Variants in CELF5 observed in about 807,000 individuals in gnomAD.
CELF5 encodes the protein CUGBP Elav-like family member 5, also known as CUG-BP and ETR-3 like factor 5.
Under a neutral mutation model 54.9 loss-of-function variants are expected in CELF5, and 6 were observed. The ratio of observed to expected loss-of-function variants is 0.11; its 90% CI spans 0.06 to 0.22. CELF5 has a LOEUF of 0.22. Ranked by LOEUF, CELF5 falls within the 10% of genes least tolerant of loss-of-function variation. The pLI is 1.00. For missense variants in CELF5, 401 were observed against 678.6 expected (o/e 0.59, Z 4.54); for synonymous variants, 271 against 290.9 (o/e 0.93, Z 0.70).
Position 3,290,442 on chromosome 19 carries a change from G to A in CELF5, c.1330+68G>A, listed in dbSNP as rs1386122199. ...GCCTGCCCCCTGACAGGGAATGGGA[G>A]GGTTTTGGTCGGCCTCGGGACAGGG... On this transcript the variant is annotated intron_variant, in intron 11 of 12. Transcript: ENST00000292672. 3.2e-6 allele frequency: 5 copies of A among 1,586,244 alleles called. No homozygotes were observed. In the African/African-American group the frequency reaches 4.0e-5, roughly 13 times the overall value.
rs2079867915 is a variant in CELF5, at chr19:3,265,406, T to G, written c.343-8466T>G. On this transcript the variant is annotated intron_variant, in intron 2 of 12. Coordinates refer to ENST00000292672, the MANE Select transcript of CELF5 (RefSeq NM_021938.4). ...ATTGCAACAGCAGTGTAAACGGCAG[T>G]GGAGGTCCTGCTCTCTGCAGAGCAG... is the stretch of plus-strand genomic sequence containing the variant. 2.0e-5 allele frequency among the ~76,000 whole-genome samples: 3 copies of G among 152,204 alleles called. No homozygotes were observed. The East Asian group carries it at 5.8e-4, about 29-fold the overall frequency.
intron 2 of CELF5, among the ~76,000 whole-genome samples, chr19:3,270,241 G>T (rs2079938316): frequency 6.6e-6 from 1 of 152,114 alleles, no homozygotes; most frequent in Non-Finnish European, 1.5e-5. Flanking sequence ...CAGCCTTGGG[G>T]GCCCCAGAAC....
chr19:3,286,288 A>G, intron 10 of CELF5: 1 of 420,678 alleles, frequency 2.4e-6, no homozygotes, highest in Non-Finnish European at 4.2e-6. Context: ...CTCCAGAACC[A>G]AGAGTGATTC....
intron 2 of CELF5, among the ~76,000 whole-genome samples, chr19:3,251,525 C>G (rs552123790): frequency 6.8e-4 from 103 of 152,156 alleles, no homozygotes; most frequent in African/African-American, 2.3e-3. Flanking sequence ...GGGCTGGTTG[C>G]TGAAGGCTGT....
Position 3,228,890 on chromosome 19 carries a change from GT to G in CELF5, c.259+3893del, listed in dbSNP as rs1917106014. 6.7e-6 allele frequency among the ~76,000 whole-genome samples: 1 copy of G among 149,244 alleles called. No individual in the cohort carries two copies. The highest frequency in any genetic ancestry group is 2.2e-4 in the South Asian group (1 of 4,608). The stretch of plus-strand genomic sequence containing the variant: ...GGTTGGCCGGCGTGTGTGTGTGTGT[GT>G]GTGTGTGTGTGTGTGTGTGTGTGTA... On this transcript the variant is annotated intron_variant, in intron 1 of 12. Transcript: ENST00000292672. The surrounding 1 kb of genome is among the most constrained non-coding windows in gnomAD (Gnocchi z 6.0).
chr19:3,272,329 ACTGCATTCCAGC>A (rs572826892), intron 2 of CELF5, among the ~76,000 whole-genome samples: 1 of 152,126 alleles, frequency 6.6e-6, no homozygotes, highest in Non-Finnish European at 1.5e-5. Context: ...AGATCACGTC[ACTGCATTCCAGC>A]CTGGCAACAG....
At position 3,281,306 on chromosome 19, in the gene CELF5, C is replaced by T. The variant is rs772688407; in HGVS notation, c.711C>T (p.Leu237=). 6 of 1,611,366 alleles carry T rather than the reference C, an allele frequency of 3.7e-6. No individual in the cohort carries two copies. Among genetic ancestry groups the T allele is most frequent in the Middle Eastern group, 1.7e-4 (1 of 6,058 alleles). The stretch of plus-strand genomic sequence containing the variant: ...AGCTGGGCATCCTGACGCCGTCCCT[C>T]ACATTGCCCTTCAGCCCCTACAGTG... ...VGQLGILTPS[L]TLPFSPYSAY... is the part of the protein sequence containing the mutation. Residue 237 remains leucine (L), a synonymous_variant, in exon 6 of 13, where the codon CTC becomes CTT. Coordinates refer to ENST00000292672, the MANE Select transcript of CELF5 (RefSeq NM_021938.4). This position sits in a 1 kb window ranked among gnomAD's most constrained non-coding sequence, Gnocchi z 6.5.
intron 1 of CELF5, among the ~76,000 whole-genome samples, chr19:3,241,520 A>T (rs1430970892): frequency 1.3e-5 from 2 of 151,124 alleles, no homozygotes; most frequent in South Asian, 2.1e-4. Flanking sequence ...GTGTGCAGCA[A>T]GGCTGCACAC....
chr19:3,285,865 C>CAA, intron 9 of CELF5, 77 bp from the exon 10 acceptor site: 1 of 1,032,168 alleles, frequency 9.7e-7, no homozygotes, highest in Non-Finnish European at 1.3e-6. Context: ...GCCCCGCCCC[C>CAA]TCCCCGCCCA....
intron 5 of CELF5, among the ~76,000 whole-genome samples, chr19:3,279,946 GCCCA>G (rs2080119843): frequency 6.6e-6 from 1 of 152,062 alleles, no homozygotes; most frequent in African/African-American, 2.4e-5. Context: ...CAGGTGATCT[GCCCA>G]CCTTGGCCTC....
At chr19:3,284,865 T>G in intron 8 of CELF5, 37 bp from the exon 9 acceptor site, 1 of 1,599,112 alleles carries the variant, frequency 6.3e-7, no homozygotes, top group Non-Finnish European at 8.6e-7. Flanking sequence ...AGACTTCTGC[T>G]GCTCCCGCCC....
intron 1 of CELF5, among the ~76,000 whole-genome samples, chr19:3,249,069 A>C (rs1457735896): frequency 6.6e-6 from 1 of 151,936 alleles, no homozygotes; most frequent in African/African-American, 2.4e-5. Flanking sequence ...CACACAGCCC[A>C]GCTGGCGGGA....
In CELF5 at chr19:3,228,670, C is replaced by T. The variant is rs1917072918; in HGVS notation, c.259+3672C>T. ...GGGGCCCGCGGTTTCCATGGGAGCA[C>T]CAGCTGCCGGCTCGACTCGGGAGGG... On this transcript the variant is annotated intron_variant, in intron 1 of 12. Coordinates refer to ENST00000292672, the MANE Select transcript of CELF5 (RefSeq NM_021938.4). The surrounding 1 kb of genome is among the most constrained non-coding windows in gnomAD (Gnocchi z 6.0). Among the ~76,000 whole-genome samples, 1 of 150,892 alleles carries T rather than the reference C, an allele frequency of 6.6e-6. No individual in the cohort carries two copies.
chr19:3,252,431 G>A (rs1186909245), intron 2 of CELF5, among the ~76,000 whole-genome samples: 2 of 152,102 alleles, frequency 1.3e-5, no homozygotes, highest in Non-Finnish European at 2.9e-5. Flanking sequence ...CAGTCAATCC[G>A]GGTCCCCAGG....
chr19:3,255,556 C>T (rs1599423269), intron 2 of CELF5, among the ~76,000 whole-genome samples: 2 of 152,206 alleles, frequency 1.3e-5, no homozygotes, highest in East Asian at 3.9e-4. Context: ...CTCCCTCCTC[C>T]TCGCCCCCAG....
At position 3,275,757 on chromosome 19, in the gene CELF5, T is replaced by A; in HGVS notation, c.395-99T>A. 7.4e-7 allele frequency: 1 copy of A among 1,348,428 alleles called. No homozygotes were observed. Among genetic ancestry groups the A allele is most frequent in the Non-Finnish European group, 9.9e-7 (1 of 1,010,282 alleles). The allele number at this position is 1,348,428 out of a possible 1,614,324, so 83.5% of individuals were successfully genotyped here. A position where few individuals can be genotyped will look rare whatever the true frequency, so the allele number is the denominator to read the frequency against. Reference sequence around the variant, plus strand: ...CCGGCAGGGCCCGGGCGCCGCGTCTTCCTGCCCTGCCGCCTCCACTCTGCT... The same window carrying A: ...CCGGCAGGGCCCGGGCGCCGCGTCTACCTGCCCTGCCGCCTCCACTCTGCT... On this transcript the variant is annotated intron_variant, in intron 3 of 12. Transcript: ENST00000292672. The surrounding 1 kb of genome is among the most constrained non-coding windows in gnomAD (Gnocchi z 6.7).
chr19:3,282,381 A>C lies in CELF5; in HGVS notation c.922A>C (p.Thr308Pro). 5 of 1,610,978 alleles carry C rather than the reference A, an allele frequency of 3.1e-6. No individual in the cohort carries two copies. The highest frequency in any genetic ancestry group is 4.2e-6 in the Non-Finnish European group (5 of 1,180,002). ...GCACTCACCCCCGCTGCTGGGCACC[A>C]CCGCTGTGCCTGGCCTCGTGGCTCC... The part of the protein sequence containing the change: ...GLHSPPLLGT[T>P]AVPGLVAPIT... The change falls in exon 8 of 13, where the codon ACC (threonine) becomes CCC (proline). Residue 308 changes from threonine (T) to proline (P), a missense_variant. Physicochemically the swap from Thr to Pro is conservative, Grantham distance 38 (BLOSUM62 -1). This residue lies in a region of CELF5 where 143 missense variants were observed against 147.6 expected (regional missense o/e 0.97). Transcript: ENST00000292672. The surrounding 1 kb of genome is among the most constrained non-coding windows in gnomAD (Gnocchi z 5.2).
Position 3,297,021 on chromosome 19 carries a change from A to G in CELF5, c.*304A>G, listed in dbSNP as rs1424308874. The stretch of plus-strand genomic sequence containing the variant: ...ACGCCTCTCTTTGGTCTGGAGAAAA[A>G]AAAAAAAAAAAAAAAACAACTAAAA... On this transcript the variant is annotated 3_prime_UTR_variant, in exon 13 of 13. Transcript: ENST00000292672. 5.3e-5 allele frequency: 8 copies of G among 150,634 alleles called. No homozygotes were observed. The highest frequency in any genetic ancestry group is 1.3e-4 in the Admixed American group (2 of 15,156). 9.3% of individuals were successfully genotyped at this position (150,634 alleles called of 1,614,324 possible). A position where few individuals can be genotyped will look rare whatever the true frequency, so the allele number is the denominator to read the frequency against.
At chr19:3,241,372 C>T (rs957399165) in intron 1 of CELF5, among the ~76,000 whole-genome samples, 2 of 151,976 alleles carry the variant, frequency 1.3e-5, no homozygotes, top group African/African-American at 2.4e-5. Context: ...TGAGCCACCG[C>T]GCCCGGCCTA....
Sources: allele counts gnomAD v4.1 joint callset (sites outside exome capture counted in the v4.1 genomes callset), GRCh38; gene constraint gnomAD v4.1.1; regional missense constraint gnomAD v4.1.1; non-coding constraint Gnocchi (gnomAD v3.1); transcripts MANE v1.5; gene names NCBI Gene and HGNC (gene_info 2026-07-23, HGNC 2026-07-21).